The following NRXN1 variants were observed in gnomAD, a reference collection of about 807,000 sequenced individuals.
NRXN1 encodes the protein neurexin 1.
A neutral mutation model predicts 150.9 loss-of-function variants in NRXN1; 39 were observed. The ratio of observed to expected loss-of-function variants is 0.26; its 90% CI spans 0.20 to 0.34. The LOEUF (loss-of-function observed/expected upper bound fraction) is 0.34, where lower values mean the gene tolerates loss of function less well. Among genes scored for constraint, NRXN1 ranks in the 10% least tolerant of loss-of-function variants. The pLI, the probability that NRXN1 is intolerant of heterozygous loss-of-function variation, is 1.00. For missense variants in NRXN1, 1,815 were observed against 1,949.9 expected, an observed-to-expected ratio of 0.93 and a Z score of 1.30; for synonymous variants, 924 against 757.0, an observed-to-expected ratio of 1.22 and a Z score of -3.62.
chr2:50,522,420 T>A (rs1360573863), intron 12 of NRXN1, among the ~76,000 whole-genome samples: 1 of 152,216 alleles, frequency 6.6e-6, no homozygotes, highest in East Asian at 1.9e-4. Context: ...GTATCAATAA[T>A]GCTTAACGTG....
intron 18 of NRXN1, among the ~76,000 whole-genome samples, chr2:50,187,705 T>C (rs1310205893): frequency 1.3e-5 from 2 of 152,158 alleles, no homozygotes; most frequent in African/African-American, 4.8e-5. Context: ...TTTCGCAATA[T>C]TGATTCTTCT....
intron 18 of NRXN1, among the ~76,000 whole-genome samples, chr2:50,138,980 G>T (rs2152757024): frequency 6.6e-6 from 1 of 152,280 alleles, no homozygotes. Context: ...AAAAGGTAAA[G>T]GTTTATTTTG....
chr2:50,028,286 A>G (rs562450073), intron 21 of NRXN1, among the ~76,000 whole-genome samples: 1 of 152,306 alleles, frequency 6.6e-6, no homozygotes, highest in East Asian at 1.9e-4. Flanking sequence ...TTGGGTGCAC[A>G]TTTCTTCTTT....
intron 5 of NRXN1, chr2:50,758,284 C>T (rs1387349019): frequency 1.3e-5 from 2 of 151,738 alleles, no homozygotes; most frequent in African/African-American, 4.8e-5. Flanking sequence ...AATTATAATG[C>T]TTAGAAATGT....
chr2:50,471,232 T>G (rs1014890209), intron 16 of NRXN1, among the ~76,000 whole-genome samples: 4 of 151,738 alleles, frequency 2.6e-5, no homozygotes, highest in Non-Finnish European at 5.9e-5. Flanking sequence ...CAATAGGTGT[T>G]TTTTCATCAT....
At chr2:50,137,405 A>G (rs1003259109) in intron 18 of NRXN1, among the ~76,000 whole-genome samples, 1 of 152,098 alleles carries the variant, frequency 6.6e-6, no homozygotes, top group Non-Finnish European at 1.5e-5. Flanking sequence ...GTCTAGGGAA[A>G]GTTCATGGAT....
intron 2 of NRXN1, 42 bp downstream of exon 2, chr2:51,027,460 C>T (rs1670690800): frequency 6.8e-7 from 1 of 1,480,976 alleles, no homozygotes. Context: ...CCCCGAGCCC[C>T]GCCCAGGCCC....
At chr2:50,201,990 T>C (rs10490233) in intron 18 of NRXN1, among the ~76,000 whole-genome samples, 2 of 152,172 alleles carry the variant, frequency 1.3e-5, no homozygotes, top group Non-Finnish European at 2.9e-5. Flanking sequence ...TTTTATTCAA[T>C]ACATTGTTAC....
chr2:50,265,980 AT>A (rs1558408471), intron 17 of NRXN1, among the ~76,000 whole-genome samples: 1 of 93,172 alleles, frequency 1.1e-5, no homozygotes, highest in East Asian at 2.4e-4. Flanking sequence ...TATTATTATT[AT>A]TATTATTATT....
At chr2:50,363,702 A>T (rs899907197) in intron 17 of NRXN1, among the ~76,000 whole-genome samples, 3 of 152,226 alleles carry the variant, frequency 2.0e-5, no homozygotes, top group African/African-American at 7.2e-5. Flanking sequence ...ATAGATCTAG[A>T]ACTAGGAATA....
intron 15 of NRXN1, 124 bp from the exon 16 acceptor site, chr2:50,472,595 T>C (rs991821264): frequency 1.6e-5 from 11 of 698,982 alleles, no homozygotes; most frequent in Admixed American, 1.2e-4. Flanking sequence ...AATTTATGAC[T>C]AGCTGTTTTC....
chr2:50,932,579 G>A (rs1198124741), intron 2 of NRXN1, among the ~76,000 whole-genome samples: 2 of 151,892 alleles, frequency 1.3e-5, no homozygotes, highest in African/African-American at 2.4e-5. Flanking sequence ...GGGACTCAAG[G>A]GAAAGGGCAG....
At chr2:50,737,388 C>G (rs1442605353) in intron 5 of NRXN1, among the ~76,000 whole-genome samples, 2 of 152,128 alleles carry the variant, frequency 1.3e-5, no homozygotes, top group Non-Finnish European at 2.9e-5. Context: ...TGTTTATACA[C>G]ATTGTTTTAT....
In NRXN1 at chr2:50,290,264, T is replaced by G. The variant is rs548889486; in HGVS notation, c.3365-53294A>C. ...TCATGTGGCACTTAATTATTTCATTTACCCAATACTTCGCCTGAAATTGAA... is the reference window on the plus strand; with the variant it reads ...TCATGTGGCACTTAATTATTTCATTGACCCAATACTTCGCCTGAAATTGAA... On this transcript the variant is annotated intron_variant, in intron 17 of 22. Coordinates refer to ENST00000401669, the MANE Select transcript of NRXN1 (RefSeq NM_001330078.2). Among the ~76,000 whole-genome samples, 45 of 152,318 alleles carry G rather than the reference T, an allele frequency of 3.0e-4. 1 individual carries two copies. The highest frequency in any genetic ancestry group is 2.1e-3 in the South Asian group (10 of 4,832).
intron 19 of NRXN1, among the ~76,000 whole-genome samples, chr2:50,090,250 C>G (rs191084930): frequency 1.1e-4 from 17 of 152,150 alleles, no homozygotes; most frequent in Non-Finnish European, 2.4e-4. Context: ...TGAGTCAGTA[C>G]TTGGGATATT....
At chr2:50,610,562 C>T (rs1345351600) in intron 8 of NRXN1, among the ~76,000 whole-genome samples, 1 of 146,220 alleles carries the variant, frequency 6.8e-6, no homozygotes, top group Non-Finnish European at 1.5e-5. Flanking sequence ...ACTCTCTCTC[C>T]AGATTCCTGA....
At chr2:51,013,826 T>C (rs967331093) in intron 2 of NRXN1, among the ~76,000 whole-genome samples, 1 of 152,094 alleles carries the variant, frequency 6.6e-6, no homozygotes, top group African/African-American at 2.4e-5. Context: ...TCCATTTCCA[T>C]TGTTTAGTCC....
Position 49,919,748 on chromosome 2 carries a change from T to C in NRXN1, c.*2196A>G, listed in dbSNP as rs1667884285. The C allele has an allele frequency of 6.6e-6, 1 of 152,136 alleles. No individual in the cohort carries two copies. The highest frequency in any genetic ancestry group is 2.4e-5 in the African/African-American group (1 of 41,454). The allele number at this position is 152,136 out of a possible 1,614,324, so 9.4% of individuals were successfully genotyped here. On this transcript the variant is annotated 3_prime_UTR_variant, in exon 23 of 23. Transcript: ENST00000401669. ...GGATATTAAATTTTCATTTTATACC[T>C]TCTACTTTCTGGGTCATAAAAAGCC...
chr2:50,065,940 G>A (rs73932904), intron 19 of NRXN1, among the ~76,000 whole-genome samples: 3,360 of 152,208 alleles, frequency 0.022, 124 homozygotes, highest in African/African-American at 0.076. Flanking sequence ...TTGCTTGGAC[G>A]TCACATTTCC....
Sources: allele counts gnomAD v4.1 joint callset (sites outside exome capture counted in the v4.1 genomes callset), GRCh38; gene constraint gnomAD v4.1.1; transcripts MANE v1.5; gene names NCBI Gene and HGNC (gene_info 2026-07-23, HGNC 2026-07-21).